Variants in GLI3 observed in about 807,000 individuals in gnomAD.
The protein encoded by GLI3 is GLI family zinc finger 3.
GLI3 carries 20 observed loss-of-function variants against 100.8 expected under a neutral mutation model. The observed-to-expected ratio is 0.20, with a 90% CI of 0.14 to 0.29. GLI3 has a LOEUF of 0.29. Ranked by LOEUF, GLI3 falls within the 10% of genes least tolerant of loss-of-function variation. The pLI, the probability that GLI3 is intolerant of heterozygous loss-of-function variation, is 1.00. For missense variants in GLI3, 2,040 were observed against 2,128.5 expected, an observed-to-expected ratio of 0.96 and a Z score of 0.82; for synonymous variants, 938 against 860.5, an observed-to-expected ratio of 1.09 and a Z score of -1.58.
At chr7:42,222,898 A>G in intron 2 of GLI3, 2 of 507,366 alleles carry the variant, frequency 3.9e-6, no homozygotes, top group South Asian at 4.0e-5. Context: ...ATAACCTATC[A>G]CATTTACATC....
intron 10 of GLI3, 50 bp downstream of exon 10, chr7:42,023,418 G>A (rs1235457074): frequency 1.9e-6 from 3 of 1,602,376 alleles, no homozygotes; most frequent in Non-Finnish European, 1.7e-6. Context: ...GACCTCCCTG[G>A]AAAGTGTCAC....
At chr7:42,072,509 G>A (rs1295587950) in intron 4 of GLI3, among the ~76,000 whole-genome samples, 2 of 152,178 alleles carry the variant, frequency 1.3e-5, no homozygotes, top group African/African-American at 4.8e-5. Flanking sequence ...ATGCAAGAGA[G>A]AAAGTACTTT....
intron 10 of GLI3, among the ~76,000 whole-genome samples, chr7:42,006,595 CAG>C (rs1788466653): frequency 6.6e-6 from 1 of 152,178 alleles, no homozygotes. Context: ...GATATCCTAT[CAG>C]GGGACAGGCC....
intron 10 of GLI3, among the ~76,000 whole-genome samples, chr7:41,988,971 T>G (rs1309299119): frequency 6.6e-6 from 1 of 152,206 alleles, no homozygotes; most frequent in African/African-American, 2.4e-5. Flanking sequence ...TGATTTTACA[T>G]GGAGAAGTAA....
In GLI3 at chr7:42,074,070, C is replaced by T. The variant is rs541797644; in HGVS notation, c.473+2682G>A. Among the ~76,000 whole-genome samples the T allele has an allele frequency of 9.2e-5, 14 of 152,286 alleles. No homozygotes were observed. The South Asian group carries it at 2.9e-3, about 32-fold the overall frequency. On this transcript the variant is annotated intron_variant, in intron 4 of 14. Coordinates refer to ENST00000395925, the MANE Select transcript of GLI3 (RefSeq NM_000168.6). ...GCAAGAGCAACCCAGGGTCTCATAACTGAGCAAGGGCAGAATAGAAACTCC... is the reference window on the plus strand; with the variant it reads ...GCAAGAGCAACCCAGGGTCTCATAATTGAGCAAGGGCAGAATAGAAACTCC...
At chr7:42,130,951 T>A (rs1786260631) in intron 3 of GLI3, among the ~76,000 whole-genome samples, 2 of 152,086 alleles carry the variant, frequency 1.3e-5, no homozygotes, top group Admixed American at 6.5e-5. Flanking sequence ...CAACTTTGGA[T>A]GGTAATAGAA....
chr7:42,199,612 G>A (rs1380465897), intron 2 of GLI3, among the ~76,000 whole-genome samples: 2 of 152,204 alleles, frequency 1.3e-5, no homozygotes, highest in Non-Finnish European at 2.9e-5. Flanking sequence ...GTGTATGTGT[G>A]TGAGCACACG....
At chr7:42,095,929 T>C (rs565188040) in intron 3 of GLI3, among the ~76,000 whole-genome samples, 138 of 151,982 alleles carry the variant, frequency 9.1e-4, no homozygotes, top group Non-Finnish European at 1.6e-3. Context: ...GGCTGGCAGT[T>C]AAGGGATGAG....
chr7:42,237,979 G>A (rs1351210355), upstream of GLI3: 3 of 128,626 alleles, frequency 2.3e-5, no homozygotes, highest in Admixed American at 7.5e-5. Flanking sequence ...CCCGCCCTCC[G>A]CCGCCGCCGC....
chr7:42,112,310 C>A (rs768884001), intron 3 of GLI3, among the ~76,000 whole-genome samples: 15 of 152,040 alleles, frequency 9.9e-5, no homozygotes, highest in Admixed American at 3.3e-4. Flanking sequence ...TGTTCAGTGA[C>A]CTACTTAGCT....
intron 3 of GLI3, among the ~76,000 whole-genome samples, chr7:42,091,261 A>G (rs1339972968): frequency 1.3e-5 from 2 of 152,258 alleles, no homozygotes; most frequent in African/African-American, 4.8e-5. Context: ...GACAAAAGCT[A>G]AAAGCTGCTA....
At chr7:42,053,266 G>A (rs1784388544) in intron 4 of GLI3, among the ~76,000 whole-genome samples, 1 of 152,198 alleles carries the variant, frequency 6.6e-6, no homozygotes, top group African/African-American at 2.4e-5. Context: ...CAAAGTGCTG[G>A]GATTACAGGC....
At chr7:42,190,319 C>T (rs987724821) in intron 2 of GLI3, among the ~76,000 whole-genome samples, 5 of 152,058 alleles carry the variant, frequency 3.3e-5, no homozygotes, top group South Asian at 2.1e-4. Flanking sequence ...TAAAACACCA[C>T]GGGCAAATCC....
At chr7:42,124,783 T>C (rs1786085711) in intron 3 of GLI3, among the ~76,000 whole-genome samples, 1 of 152,208 alleles carries the variant, frequency 6.6e-6, no homozygotes, top group African/African-American at 2.4e-5. Context: ...TTGCTTTAGT[T>C]GTTGCCATTG....
At chr7:41,988,719 A>G (rs1303047652) in intron 10 of GLI3, among the ~76,000 whole-genome samples, 1 of 152,178 alleles carries the variant, frequency 6.6e-6, no homozygotes, top group Non-Finnish European at 1.5e-5. Flanking sequence ...TAAATTACCC[A>G]GTGTTAAGAT....
At chr7:42,262,954 T>C (rs1471989512) in intron 1 of GLI3, among the ~76,000 whole-genome samples, 1 of 141,658 alleles carries the variant, frequency 7.1e-6, no homozygotes, top group Non-Finnish European at 1.6e-5. Flanking sequence ...ATCTGCACTT[T>C]TTTTTTTTTT....
chr7:42,051,903 C>T (rs764620267), intron 4 of GLI3, among the ~76,000 whole-genome samples: 6 of 152,162 alleles, frequency 3.9e-5, no homozygotes, highest in Non-Finnish European at 5.9e-5. Context: ...ATCCTTTCTA[C>T]GGGTTTGGGC....
intron 4 of GLI3, among the ~76,000 whole-genome samples, chr7:42,053,073 C>A (rs1404912686): frequency 6.6e-6 from 1 of 152,204 alleles, no homozygotes; most frequent in Non-Finnish European, 1.5e-5. Context: ...CGGCTCACTG[C>A]AACCTCCGCC....
chr7:42,011,310 T>C (rs1788605555), intron 10 of GLI3, among the ~76,000 whole-genome samples: 1 of 152,180 alleles, frequency 6.6e-6, no homozygotes, highest in Non-Finnish European at 1.5e-5. Flanking sequence ...TGAGACCACC[T>C]GAAAAAGGCA....
Sources: allele counts gnomAD v4.1 joint callset (sites outside exome capture counted in the v4.1 genomes callset), GRCh38; gene constraint gnomAD v4.1.1; transcripts MANE v1.5; gene names NCBI Gene and HGNC (gene_info 2026-07-23, HGNC 2026-07-21).